The following FMN1 variants were observed in gnomAD, a reference collection of about 807,000 sequenced individuals.
FMN1 encodes the protein formin 1.
Under a neutral mutation model 132.4 loss-of-function variants are expected in FMN1, and 110 were observed. The ratio of observed to expected loss-of-function variants is 0.83; its 90% CI spans 0.71 to 0.97. The LOEUF (loss-of-function observed/expected upper bound fraction) is 0.97. Among genes scored for constraint, FMN1 ranks in the 50% least tolerant of loss-of-function variants. FMN1 has a pLI of 0.00. For synonymous variants in FMN1, 722 were observed against 651.7 expected (o/e 1.11, Z -1.64); for missense variants, 1,792 against 1,705.3 (o/e 1.05, Z -0.90).
chr15:33,082,386 C>G (rs1007592751), intron 5 of FMN1, among the ~76,000 whole-genome samples: 7 of 152,088 alleles, frequency 4.6e-5, no homozygotes, highest in African/African-American at 1.7e-4. Flanking sequence ...GTACTGCCAC[C>G]AGGATATAAT....
intron 10 of FMN1, among the ~76,000 whole-genome samples, chr15:32,923,187 A>G (rs1010223859): frequency 1.3e-5 from 2 of 152,170 alleles, no homozygotes; most frequent in African/African-American, 4.8e-5. Context: ...CGGCTGTGAG[A>G]TCTTGCCAGG....
At chr15:32,924,514 A>G (rs919254503) in intron 10 of FMN1, among the ~76,000 whole-genome samples, 2 of 152,232 alleles carry the variant, frequency 1.3e-5, no homozygotes, top group African/African-American at 4.8e-5. Flanking sequence ...ACTGAAACCT[A>G]AAGGGCCGTG....
intron 4 of FMN1, among the ~76,000 whole-genome samples, chr15:33,140,193 A>AACACACAC (rs61485667): frequency 0.028 from 4,026 of 142,886 alleles, 116 homozygotes; most frequent in African/African-American, 0.057. Flanking sequence ...CCTATGGTTA[A>AACACACAC]ACACACACAC....
intron 17 of FMN1, among the ~76,000 whole-genome samples, chr15:32,820,010 C>T (rs949974863): frequency 6.6e-6 from 1 of 152,136 alleles, no homozygotes. Flanking sequence ...AGTCCAGCTA[C>T]ATCAGTGTTA....
At chr15:33,107,536 C>T (rs2039532799) in intron 4 of FMN1, among the ~76,000 whole-genome samples, 3 of 152,090 alleles carry the variant, frequency 2.0e-5, no homozygotes, top group Admixed American at 6.6e-5. Flanking sequence ...CACCTTCTTG[C>T]TGTTTTGTAA....
At chr15:33,039,402 T>C (rs2036325688) in intron 6 of FMN1, among the ~76,000 whole-genome samples, 1 of 152,218 alleles carries the variant, frequency 6.6e-6, no homozygotes, top group African/African-American at 2.4e-5. Context: ...TGATTTTGTC[T>C]AAGTGTAGCA....
chr15:33,045,866 A>G (rs2036656049), intron 6 of FMN1, among the ~76,000 whole-genome samples: 1 of 152,230 alleles, frequency 6.6e-6, no homozygotes, highest in Admixed American at 6.5e-5. Flanking sequence ...ACCTGAAAAC[A>G]AAGCCAATAT....
At chr15:33,094,747 G>C (rs16964872) in intron 4 of FMN1, among the ~76,000 whole-genome samples, 2 of 151,852 alleles carry the variant, frequency 1.3e-5, no homozygotes, top group Non-Finnish European at 1.5e-5. Context: ...CTCCTTCCAC[G>C]GTTTTCTCCT....
chr15:33,136,415 A>C (rs1468616080), intron 4 of FMN1, among the ~76,000 whole-genome samples: 1 of 152,242 alleles, frequency 6.6e-6, no homozygotes, highest in Non-Finnish European at 1.5e-5. Context: ...GTATAACCAT[A>C]AACACAGAGA....
At chr15:32,928,593 A>C (rs758825832) in intron 9 of FMN1, among the ~76,000 whole-genome samples, 3 of 152,160 alleles carry the variant, frequency 2.0e-5, no homozygotes, top group Non-Finnish European at 4.4e-5. Flanking sequence ...AGGCAAATAA[A>C]AGCATCACCT....
chr15:32,879,836 CTTTG>C (rs2059721188), intron 16 of FMN1, among the ~76,000 whole-genome samples: 2 of 147,882 alleles, frequency 1.4e-5, no homozygotes, highest in Non-Finnish European at 3.0e-5. Flanking sequence ...TTCACAAATG[CTTTG>C]TTTCATTGTG....
At chr15:33,032,780 C>T (rs929197424) in intron 6 of FMN1, among the ~76,000 whole-genome samples, 1 of 152,108 alleles carries the variant, frequency 6.6e-6, no homozygotes, top group Admixed American at 6.5e-5. Flanking sequence ...TTAAGACAAC[C>T]GATTCCATAC....
chr15:32,856,463 C>T lies in FMN1; in HGVS notation c.3928+552G>A, dbSNP rs570781699. ...AGATTTCAAAGAAAGTGTGGAGTCT[C>T]ATGCATACCAGCACATCACTTTCAC... On this transcript the variant is annotated intron_variant, in intron 17 of 20. Transcript: ENST00000616417. Among the ~76,000 whole-genome samples the T allele has an allele frequency of 9.1e-4, 139 of 152,338 alleles. No individual in the cohort carries two copies. In the South Asian group the frequency reaches 0.027, roughly 29 times the overall value.
At position 32,961,221 on chromosome 15, in the gene FMN1, C is replaced by T. The variant is rs1596349551; in HGVS notation, c.3138+2886G>A. On this transcript the variant is annotated intron_variant, in intron 9 of 20. Transcript: ENST00000616417. Reference sequence around the variant, plus strand: ...CAATCTCAGCTCACTGCAACCTCTGCCTCCTGGGTTAAAGCGATTCTCCTG... The same window carrying T: ...CAATCTCAGCTCACTGCAACCTCTGTCTCCTGGGTTAAAGCGATTCTCCTG... 4.6e-5 allele frequency among the ~76,000 whole-genome samples: 7 copies of T among 151,682 alleles called. No homozygotes were observed. In the South Asian group the frequency reaches 1.5e-3, roughly 32 times the overall value.
At chr15:32,955,476 A>C (rs2061744504) in intron 9 of FMN1, among the ~76,000 whole-genome samples, 1 of 152,166 alleles carries the variant, frequency 6.6e-6, no homozygotes, top group African/African-American at 2.4e-5. Flanking sequence ...TTGGAACTGA[A>C]GGCCAGAGGA....
intron 6 of FMN1, among the ~76,000 whole-genome samples, chr15:33,021,495 G>A (rs2035414979): frequency 1.3e-5 from 2 of 152,132 alleles, no homozygotes; most frequent in Non-Finnish European, 1.5e-5. Flanking sequence ...AGGATAAAAT[G>A]GGAGACATGA....
chr15:32,900,032 C>T lies in FMN1; in HGVS notation c.3601G>A (p.Ala1201Thr), dbSNP rs764461421. 2.5e-6 allele frequency: 4 copies of T among 1,613,976 alleles called. No homozygotes were observed. The highest frequency in any genetic ancestry group is 3.4e-6 in the Non-Finnish European group (4 of 1,179,872). ...MNGGNRTRGQ[A>T]DGYSLEILPK... Reference sequence around the variant, plus strand: ...AGAATTTCTAAGCTATATCCATCGGCTTGTCCCCGAGTCCTATTTCCTCCA... The same window carrying T: ...AGAATTTCTAAGCTATATCCATCGGTTTGTCCCCGAGTCCTATTTCCTCCA... Residue 1201 changes from alanine to threonine, a missense_variant, in exon 14 of 21, where the codon GCC becomes ACC. Transcript: ENST00000616417.
intron 2 of FMN1, among the ~76,000 whole-genome samples, chr15:33,187,691 A>G (rs1174702479): frequency 6.6e-6 from 1 of 152,196 alleles, no homozygotes; most frequent in Non-Finnish European, 1.5e-5. Flanking sequence ...CTCAATGACC[A>G]GAAGGTCCCT....
chr15:32,874,475 T>C (rs2059593065), intron 16 of FMN1, among the ~76,000 whole-genome samples: 1 of 152,172 alleles, frequency 6.6e-6, no homozygotes, highest in African/African-American at 2.4e-5. Context: ...TGGCAAGTAT[T>C]AGTTGATTCT....
Sources: allele counts gnomAD v4.1 joint callset (sites outside exome capture counted in the v4.1 genomes callset), GRCh38; gene constraint gnomAD v4.1.1; transcripts MANE v1.5; gene names NCBI Gene and HGNC (gene_info 2026-07-23, HGNC 2026-07-21).